The following FADS6 variants were observed in gnomAD, a reference collection of about 807,000 sequenced individuals.
FADS6 encodes the protein fatty acid desaturase 6, also known as fatty acid desaturase domain family, member 6.
FADS6 carries 28 observed loss-of-function variants against 31.7 expected under a neutral mutation model. The ratio of observed to expected loss-of-function variants is 0.88; its 90% CI spans 0.66 to 1.21. The LOEUF (loss-of-function observed/expected upper bound fraction) is 1.21, where lower values mean the gene tolerates loss of function less well. Ranked by LOEUF, FADS6 falls within the 50% of genes most tolerant of loss-of-function variation. FADS6 has a pLI of 0.00. For synonymous variants in FADS6, 191 were observed against 213.1 expected (o/e 0.90, Z 0.90); for missense variants, 494 against 504.2 (o/e 0.98, Z 0.19).
rs187370855 is a variant in FADS6 at position 74,881,636 on chromosome 17, G to A, written c.593-381C>T. Among the ~76,000 whole-genome samples the A allele has an allele frequency of 1.3e-4, 20 of 151,058 alleles. No homozygotes were observed. In the Admixed American group the frequency reaches 1.3e-3, roughly 10 times the overall value. Reference sequence around the variant, plus strand: ...AAGCTCGGGTGATCCTTCCACTTCAGCCCCCTGAGTAGTTGGGACTACAGT... The same window carrying A: ...AAGCTCGGGTGATCCTTCCACTTCAACCCCCTGAGTAGTTGGGACTACAGT... On this transcript the variant is annotated intron_variant, in intron 3 of 5. Transcript: ENST00000612771.
At chr17:74,879,212 T>A (rs1281345913) in intron 5 of FADS6, 192 bp downstream of exon 5, 3 of 687,428 alleles carry the variant, frequency 4.4e-6, no homozygotes, top group African/African-American at 3.7e-5. Context: ...AATTTTTGAA[T>A]TTTTTGTAGA....
intron 2 of FADS6, 104 bp downstream of exon 2, chr17:74,892,419 C>A: frequency 7.2e-7 from 1 of 1,394,290 alleles, no homozygotes. Flanking sequence ...CGGCCTGCCC[C>A]CGTGGGCACA....
chr17:74,888,472 G>A lies in FADS6; in HGVS notation c.411+4051C>T, dbSNP rs139374813. Among the ~76,000 whole-genome samples, 18 of 152,246 alleles carry A rather than the reference G, an allele frequency of 1.2e-4. No homozygotes were observed. In the East Asian group the frequency reaches 2.3e-3, roughly 20 times the overall value. On this transcript the variant is annotated intron_variant, in intron 2 of 5. Coordinates refer to ENST00000612771, the MANE Select transcript of FADS6 (RefSeq NM_178128.6). ...CAGGCAGAGAGAAGGTTGGAGAGACGGCCTGGAGGGTAATGGTCACACTGA... is the reference window on the plus strand; with the variant it reads ...CAGGCAGAGAGAAGGTTGGAGAGACAGCCTGGAGGGTAATGGTCACACTGA...
intron 2 of FADS6, among the ~76,000 whole-genome samples, chr17:74,890,012 C>T (rs998404378): frequency 4.6e-5 from 7 of 152,050 alleles, no homozygotes; most frequent in African/African-American, 1.4e-4. Context: ...TTAAGGTCTG[C>T]ACTGTTTCAT....
rs774691667 is a variant in FADS6, at chr17:74,879,397, C to T, written c.960+7G>A. On this transcript the variant is annotated splice_region_variant and intron_variant, in intron 5 of 5. Coordinates refer to ENST00000612771, the MANE Select transcript of FADS6 (RefSeq NM_178128.6). ...ATTCCAGCGCCCCCAGCCCAGCCCT[C>T]GACTACCTTCAGGCACATGTTATCA... 1.6e-5 allele frequency: 26 copies of T among 1,612,916 alleles called. No homozygotes were observed. Among genetic ancestry groups the T allele is most frequent in the Non-Finnish European group, 2.1e-5 (25 of 1,179,310 alleles).
intron 4 of FADS6, among the ~76,000 whole-genome samples, chr17:74,879,951 G>C (rs369594091): frequency 6.6e-6 from 1 of 152,198 alleles, no homozygotes; most frequent in South Asian, 2.1e-4. Context: ...CATCATTCAA[G>C]GTCAAGTTTA....
At chr17:74,888,696 G>A (rs1407787060) in intron 2 of FADS6, among the ~76,000 whole-genome samples, 1 of 152,216 alleles carries the variant, frequency 6.6e-6, no homozygotes, top group African/African-American at 2.4e-5. Flanking sequence ...GATTTGAAGC[G>A]GAGACACCAG....
At chr17:74,880,124 C>T (rs952674787) in intron 4 of FADS6, among the ~76,000 whole-genome samples, 2 of 152,098 alleles carry the variant, frequency 1.3e-5, no homozygotes, top group African/African-American at 2.4e-5. Context: ...CAAGGAAGTA[C>T]AGGAAGCTCT....
Position 74,882,556 on chromosome 17 carries a change from G to T in FADS6, c.566C>A (p.Pro189His). The stretch of plus-strand genomic sequence containing the variant: ...GACAGCCACCAGTGGAGTGGCGATG[G>T]GGAGGAGGAAAGGAGCAAGGAACAT... ...VYMFLAPFLLPIATPLVAVER... is the reference protein window; with the variant it reads ...VYMFLAPFLLHIATPLVAVER... Residue 189 changes from proline to histidine, a missense_variant, in exon 3 of 6, where the codon CCC becomes CAC. Around this residue, in one of 2 missense-constraint regions of FADS6, gnomAD observed 454 missense variants for 438.5 expected, o/e 1.04. Transcript: ENST00000612771. The T allele has an allele frequency of 6.2e-7, 1 of 1,611,662 alleles. No individual in the cohort carries two copies. Among genetic ancestry groups the T allele is most frequent in the Middle Eastern group, 1.7e-4 (1 of 6,050 alleles).
chr17:74,882,773 C>G, intron 2 of FADS6, 63 bp from the exon 3 acceptor site: 2 of 1,553,770 alleles, frequency 1.3e-6, no homozygotes, highest in Non-Finnish European at 1.7e-6. Flanking sequence ...CAATGCAGGA[C>G]CTTTGAGAGC....
At chr17:74,883,545 T>A (rs2038595337) in intron 2 of FADS6, among the ~76,000 whole-genome samples, 1 of 152,212 alleles carries the variant, frequency 6.6e-6, no homozygotes, top group Non-Finnish European at 1.5e-5. Flanking sequence ...CGCAGAGGGC[T>A]CACTGCACCA....
At chr17:74,892,765 C>A in intron 1 of FADS6, 76 bp from the exon 2 acceptor site, 2 of 1,418,628 alleles carry the variant, frequency 1.4e-6, no homozygotes. Context: ...CAACCCTTAC[C>A]CTGGGAGCCC....
downstream of FADS6, among the ~76,000 whole-genome samples, chr17:74,875,089 G>C (rs986655996): frequency 6.6e-6 from 1 of 152,190 alleles, no homozygotes; most frequent in East Asian, 1.9e-4. Context: ...CCCATCTAGA[G>C]GCAGTATATC....
In FADS6 at chr17:74,877,830, G is replaced by T. The variant is rs2038522208; in HGVS notation, c.*501C>A. 1 of 986,410 alleles carries T rather than the reference G, an allele frequency of 1.0e-6. No individual in the cohort carries two copies. Among genetic ancestry groups the T allele is most frequent in the African/African-American group, 1.7e-5 (1 of 57,250 alleles). The allele number at this position is 986,410 out of a possible 1,614,324, so 61.1% of individuals were successfully genotyped here. A position where few individuals can be genotyped will look rare whatever the true frequency, so the allele number is the denominator to read the frequency against. On this transcript the variant is annotated 3_prime_UTR_variant, in exon 6 of 6. Transcript: ENST00000612771. ...CTGCCAAAAGCAAGCTCACCCTAAG[G>T]TCCCCGGGGAGAGGGCACCTTGGTG... is the stretch of plus-strand genomic sequence containing the variant.
chr17:74,877,634 G>T lies in FADS6; in HGVS notation c.*697C>A. The T allele has an allele frequency of 5.2e-6, 5 of 962,346 alleles. No individual in the cohort carries two copies. The highest frequency in any genetic ancestry group is 6.2e-6 in the Non-Finnish European group (5 of 809,024). The allele number at this position is 962,346 out of a possible 1,614,324, so 59.6% of individuals were successfully genotyped here. ...AGGCATGAGCCACCGCCCCTGGCTG[G>T]CTATTTATACTCTTTCCCTAACTCT... On this transcript the variant is annotated 3_prime_UTR_variant, in exon 6 of 6. Coordinates refer to ENST00000612771, the MANE Select transcript of FADS6 (RefSeq NM_178128.6).
At chr17:74,887,610 G>A (rs546009652) in intron 2 of FADS6, among the ~76,000 whole-genome samples, 32 of 152,342 alleles carry the variant, frequency 2.1e-4, no homozygotes, top group African/African-American at 7.5e-4. Context: ...CCATAGGGAG[G>A]TGCGACTCTG....
chr17:74,890,164 C>A (rs1008591673), intron 2 of FADS6, among the ~76,000 whole-genome samples: 2 of 152,178 alleles, frequency 1.3e-5, no homozygotes, highest in African/African-American at 4.8e-5. Flanking sequence ...ACCATGGCTT[C>A]AAAGGCTGGT....
At chr17:74,886,546 CT>C (rs1291199931) in intron 2 of FADS6, among the ~76,000 whole-genome samples, 1 of 151,768 alleles carries the variant, frequency 6.6e-6, no homozygotes, top group Non-Finnish European at 1.5e-5. Flanking sequence ...CAGCCATCAT[CT>C]TCCAGGAGGA....
intron 2 of FADS6, among the ~76,000 whole-genome samples, chr17:74,888,713 G>A (rs990777711): frequency 1.3e-4 from 20 of 152,190 alleles, no homozygotes; most frequent in East Asian, 1.9e-4. Context: ...CCAGAGCTTC[G>A]GAACTGGCAG....
Sources: gnomAD v4.1 joint callset for allele counts (sites outside exome capture counted in the v4.1 genomes callset) on GRCh38, gnomAD v4.1.1 for gene constraint, gnomAD v4.1.1 regional missense constraint, MANE v1.5 for transcripts, NCBI Gene and HGNC (gene_info 2026-07-23, HGNC 2026-07-21) for gene names.